DCLK1: variants seen among roughly 807,000 people sequenced by gnomAD.
DCLK1 encodes the protein serine/threonine-protein kinase DCLK1.
A neutral mutation model predicts 86.2 loss-of-function variants in DCLK1; 16 were observed. The observed-to-expected ratio is 0.19, with a 90% CI of 0.13 to 0.28. The LOEUF (loss-of-function observed/expected upper bound fraction) is 0.28, where lower values mean the gene tolerates loss of function less well. Ranked by LOEUF, DCLK1 falls within the 10% of genes least tolerant of loss-of-function variation. The pLI, the probability that DCLK1 is intolerant of heterozygous loss-of-function variation, is 1.00. For missense variants in DCLK1, 590 were observed against 940.2 expected (o/e 0.63, Z 4.87); for synonymous variants, 369 against 370.5 (o/e 1.00, Z 0.05).
At chr13:35,900,876 G>A (rs1874313352) in intron 4 of DCLK1, among the ~76,000 whole-genome samples, 2 of 152,180 alleles carry the variant, frequency 1.3e-5, no homozygotes, top group Admixed American at 6.5e-5. Flanking sequence ...AGTCATAACT[G>A]AAGGGCACTT....
intron 4 of DCLK1, among the ~76,000 whole-genome samples, chr13:35,930,330 C>T (rs1876359420): frequency 6.6e-6 from 1 of 152,162 alleles, no homozygotes; most frequent in South Asian, 2.1e-4. Flanking sequence ...CCCTGTGGAC[C>T]CACACTGAAA....
chr13:36,056,587 G>A (rs1369305554), intron 3 of DCLK1, among the ~76,000 whole-genome samples: 1 of 128,596 alleles, frequency 7.8e-6, no homozygotes, highest in Admixed American at 8.9e-5. Flanking sequence ...TGCACAATGT[G>A]CACATGTACC....
intron 4 of DCLK1, among the ~76,000 whole-genome samples, chr13:35,943,750 G>A (rs1051304866): frequency 6.6e-6 from 1 of 152,146 alleles, no homozygotes; most frequent in Admixed American, 6.5e-5. Context: ...CCCAAGCATG[G>A]GGTGATCCTT....
intron 3 of DCLK1, among the ~76,000 whole-genome samples, chr13:36,013,806 G>T (rs1453914528): frequency 6.6e-6 from 1 of 152,188 alleles, no homozygotes; most frequent in Non-Finnish European, 1.5e-5. Context: ...CCTGGGCAAT[G>T]GCGGGCGCCC....
At chr13:35,817,634 T>C (rs1383509069) in intron 11 of DCLK1, among the ~76,000 whole-genome samples, 1 of 152,182 alleles carries the variant, frequency 6.6e-6, no homozygotes, top group African/African-American at 2.4e-5. Context: ...AGAATCACCA[T>C]GCCCCAAGTG....
At chr13:36,095,856 G>T (rs1211803461) in intron 3 of DCLK1, among the ~76,000 whole-genome samples, 2 of 152,088 alleles carry the variant, frequency 1.3e-5, no homozygotes, top group Admixed American at 6.5e-5. Flanking sequence ...AGAGGATTTT[G>T]TCTTAAATTC....
At chr13:35,944,079 G>C (rs566320197) in intron 4 of DCLK1, among the ~76,000 whole-genome samples, 1 of 152,284 alleles carries the variant, frequency 6.6e-6, no homozygotes, top group South Asian at 2.1e-4. Context: ...GGAGGAAGGA[G>C]TCTCCCTGGC....
At position 36,052,289 on chromosome 13, in the gene DCLK1, C is replaced by T. The variant is rs557686542; in HGVS notation, c.723+59580G>A. 1.4e-4 allele frequency among the ~76,000 whole-genome samples: 22 copies of T among 152,080 alleles called. No homozygotes were observed. In the South Asian group the frequency reaches 1.9e-3, roughly 13 times the overall value. ...ATGATAACAGAACTGTATTAGATGACGAGAAAATCATCTCACTACTCTTAG... is the reference window on the plus strand; with the variant it reads ...ATGATAACAGAACTGTATTAGATGATGAGAAAATCATCTCACTACTCTTAG... On this transcript the variant is annotated intron_variant, in intron 3 of 16. Coordinates refer to ENST00000360631, the MANE Select transcript of DCLK1 (RefSeq NM_001330071.2).
At chr13:35,938,482 A>G (rs893337016) in intron 4 of DCLK1, among the ~76,000 whole-genome samples, 1 of 152,122 alleles carries the variant, frequency 6.6e-6, no homozygotes, top group Non-Finnish European at 1.5e-5. Context: ...TCAAAAAATT[A>G]ACCAGGCATG....
At chr13:35,922,581 A>T (rs1413607883) in intron 4 of DCLK1, among the ~76,000 whole-genome samples, 1 of 152,226 alleles carries the variant, frequency 6.6e-6, no homozygotes, top group East Asian at 1.9e-4. Flanking sequence ...TAGCACACAA[A>T]AAAAGCACTG....
chr13:36,111,133 C>A (rs1324266123), intron 3 of DCLK1, among the ~76,000 whole-genome samples: 1 of 152,014 alleles, frequency 6.6e-6, no homozygotes, highest in Admixed American at 6.6e-5. Flanking sequence ...CGTGCCCGGC[C>A]CTAATCAATG....
At chr13:35,954,736 T>TA (rs1877885609) in intron 3 of DCLK1, among the ~76,000 whole-genome samples, 1 of 151,744 alleles carries the variant, frequency 6.6e-6, no homozygotes, top group South Asian at 2.1e-4. Flanking sequence ...AATATGTGAA[T>TA]AAAAAATAAA....
chr13:35,898,090 T>C (rs1874111095), intron 4 of DCLK1, among the ~76,000 whole-genome samples: 1 of 152,206 alleles, frequency 6.6e-6, no homozygotes, highest in Admixed American at 6.5e-5. Flanking sequence ...CCCTTTCTTT[T>C]GAGTTTGGTT....
chr13:35,776,774 G>C (rs886775843), intron 16 of DCLK1, among the ~76,000 whole-genome samples: 46 of 152,240 alleles, frequency 3.0e-4, no homozygotes, highest in African/African-American at 9.6e-4. Flanking sequence ...ATTTAACTCA[G>C]TACTTTCCCT....
intron 4 of DCLK1, among the ~76,000 whole-genome samples, chr13:35,929,056 A>C (rs1474205358): frequency 2.0e-5 from 3 of 152,034 alleles, no homozygotes; most frequent in Admixed American, 2.0e-4. Flanking sequence ...CAGCCTCCCA[A>C]GTAGCTGGGA....
intron 3 of DCLK1, among the ~76,000 whole-genome samples, chr13:36,059,578 G>A (rs527883438): frequency 1.6e-4 from 25 of 152,284 alleles, no homozygotes; most frequent in African/African-American, 6.0e-4. Flanking sequence ...CACTTACTTT[G>A]ACTTGAGGGA....
chr13:35,893,659 T>A (rs1873779350), intron 4 of DCLK1, among the ~76,000 whole-genome samples: 1 of 152,240 alleles, frequency 6.6e-6, no homozygotes, highest in Non-Finnish European at 1.5e-5. Flanking sequence ...TACCTTTTAA[T>A]CAAAACACAG....
intron 5 of DCLK1, among the ~76,000 whole-genome samples, chr13:35,868,655 T>G (rs951934245): frequency 4.6e-5 from 7 of 152,198 alleles, no homozygotes; most frequent in Non-Finnish European, 7.3e-5. Context: ...TAATATAGGC[T>G]CTCATTCTCT....
chr13:35,792,660 T>G (rs942382199), intron 16 of DCLK1, among the ~76,000 whole-genome samples: 3 of 152,200 alleles, frequency 2.0e-5, no homozygotes, highest in African/African-American at 7.2e-5. Flanking sequence ...CTCCAGAATA[T>G]GACACCAGGA....
Sources: allele counts gnomAD v4.1 joint callset (sites outside exome capture counted in the v4.1 genomes callset), GRCh38; gene constraint gnomAD v4.1.1; transcripts MANE v1.5; gene names NCBI Gene and HGNC (gene_info 2026-07-23, HGNC 2026-07-21).